NOA1: variants seen among roughly 807,000 people sequenced by gnomAD.
NOA1 encodes nitric oxide associated 1, also known as nitric oxide-associated protein 1.
A neutral mutation model predicts 58.4 loss-of-function variants in NOA1; 35 were observed. The observed-to-expected ratio is 0.60, with a 90% CI of 0.46 to 0.79. NOA1 has a LOEUF of 0.79. NOA1 is among the 30% of genes least tolerant of loss of function. NOA1 has a pLI of 0.00. For missense variants in NOA1, 895 were observed against 894.6 expected (o/e 1.00, Z -0.01); for synonymous variants, 397 against 373.4 (o/e 1.06, Z -0.73).
At chr4:56,970,502 T>G (rs537195663) in intron 3 of NOA1, among the ~76,000 whole-genome samples, 88 of 151,590 alleles carry the variant, frequency 5.8e-4, no homozygotes, top group African/African-American at 2.1e-3. Flanking sequence ...TTGCCCAGGC[T>G]GGGCTGCAGT....
intron 6 of NOA1, 49 bp downstream of exon 6, chr4:56,964,357 G>A (rs758241179): frequency 1.2e-5 from 20 of 1,610,924 alleles, no homozygotes; most frequent in Admixed American, 1.0e-4. Flanking sequence ...GTGAGCCACC[G>A]TGCCTGCCCT....
chr4:56,967,026 T>A (rs1457108132), intron 4 of NOA1, among the ~76,000 whole-genome samples: 1 of 152,042 alleles, frequency 6.6e-6, no homozygotes, highest in East Asian at 1.9e-4. Flanking sequence ...ACTATCTGCT[T>A]TAATTGTCTC....
At position 56,963,549 on chromosome 4, in the gene NOA1, G is replaced by A. The variant is rs199607677; in HGVS notation, c.1998C>T (p.Ile666=). ...CACTTTTCTTGATGCGCTGTCCTTT[G>A]ATGTTAACAATATATGGCAAGAGAG... The part of the protein sequence containing the change: ...RPPLLPYIVN[I]KGQRIKKSVA... Residue 666 remains isoleucine (I), a synonymous_variant, in exon 7 of 7, where the codon ATC becomes ATT. Coordinates refer to ENST00000264230, the MANE Select transcript of NOA1 (RefSeq NM_032313.4). 3 of 1,614,008 alleles carry A rather than the reference G, an allele frequency of 1.9e-6. No homozygotes were observed. The highest frequency in any genetic ancestry group is 1.3e-5 in the African/African-American group (1 of 74,982).
chr4:56,973,204 C>G lies in NOA1; in HGVS notation c.1459G>C (p.Asp487His). ...TAAAACCAGTGGGCATCTTTCACAT[C>G]TTGTGCAGTCAATTCTACTTGTTTG... The part of the protein sequence containing the change: ...STKQVELTAQ[D>H]VKDAHWFYDT... Residue 487 changes from aspartate (D) to histidine (H), a missense_variant, in exon 3 of 7, where the codon GAT becomes CAT. Asp to His is a moderately conservative substitution (Grantham distance 81, BLOSUM62 -1). Transcript: ENST00000264230. The G allele has an allele frequency of 6.2e-7, 1 of 1,614,126 alleles. No individual in the cohort carries two copies. The highest frequency in any genetic ancestry group is 8.5e-7 in the Non-Finnish European group (1 of 1,180,016).
At chr4:56,963,709 A>T (rs1721649738) in intron 6 of NOA1, 48 bp from the exon 7 acceptor site, 4 of 1,451,724 alleles carry the variant, frequency 2.8e-6, no homozygotes, top group Admixed American at 1.8e-5. Context: ...CAATCATCTT[A>T]TTAAAAATAC....
chr4:56,972,087 C>T (rs771477327), intron 3 of NOA1, among the ~76,000 whole-genome samples: 2 of 152,238 alleles, frequency 1.3e-5, no homozygotes, highest in East Asian at 3.9e-4. Context: ...AGGGTTTCAC[C>T]GTGTTAGCCC....
Position 56,976,911 on chromosome 4 carries a change from G to A in NOA1, c.675C>T (p.Asp225=). ...SLVLYMVDLL[D]LPDALLPDLP... The stretch of plus-strand genomic sequence containing the variant: ...AGTCGGGCAGCAGGGCGTCGGGCAG[G>A]TCCAGCAGGTCCACCATGTAGAGCA... Residue 225 remains aspartate, a synonymous_variant, in exon 1 of 7, where the codon GAC becomes GAT. Transcript: ENST00000264230. 6.2e-7 allele frequency: 1 copy of A among 1,611,708 alleles called. No individual in the cohort carries two copies. The highest frequency in any genetic ancestry group is 8.5e-7 in the Non-Finnish European group (1 of 1,179,790).
At chr4:56,964,976 G>A (rs1463204735) in intron 5 of NOA1, among the ~76,000 whole-genome samples, 1 of 151,372 alleles carries the variant, frequency 6.6e-6, no homozygotes, top group Non-Finnish European at 1.5e-5. Context: ...GTTTACAGGT[G>A]TTTCCACGAT....
intron 1 of NOA1, 107 bp downstream of exon 1, chr4:56,976,335 A>G (rs1721919899): frequency 1.1e-6 from 1 of 927,546 alleles, no homozygotes; most frequent in African/African-American, 1.7e-5. Context: ...AGGGAAGGGT[A>G]CAGGCAGCCC....
In NOA1 at chr4:56,977,351, G is replaced by C; in HGVS notation, c.235C>G (p.Leu79Val). ...CGGGTGGGTTGCGGCTCCGGATCCA[G>C]GATGTACTCCGGGAACAGAAAACGC... is the stretch of plus-strand genomic sequence containing the variant. ...QERFLFPEYI[L>V]DPEPQPTREK... is the part of the protein sequence containing the mutation. Residue 79 changes from leucine (L) to valine (V), a missense_variant, in exon 1 of 7, where the codon CTG becomes GTG. Transcript: ENST00000264230. 1 of 1,614,234 alleles carries C rather than the reference G, an allele frequency of 6.2e-7. No individual in the cohort carries two copies. Among genetic ancestry groups the C allele is most frequent in the Non-Finnish European group, 8.5e-7 (1 of 1,180,044 alleles).
In NOA1 at chr4:56,966,721, A is replaced by G; in HGVS notation, c.1663T>C (p.Trp555Arg). 1.2e-6 allele frequency: 2 copies of G among 1,611,548 alleles called. No homozygotes were observed. The highest frequency in any genetic ancestry group is 1.7e-6 in the Non-Finnish European group (2 of 1,177,830). Residue 555 changes from tryptophan to arginine, a missense_variant, in exon 5 of 7, where the codon TGG (tryptophan) becomes CGG (arginine). By Grantham distance (101) the Trp-to-Arg change is moderately radical. This residue lies in a region of NOA1 where 212 missense variants were observed against 221.3 expected (regional missense o/e 0.96). Coordinates refer to ENST00000264230, the MANE Select transcript of NOA1 (RefSeq NM_032313.4). ...IDFLQGNQSA[W>R]FTVVASNILP... ...ATGTTGGAAGCCACGACTGTAAACC[A>G]AGCTGACTGATTTCCCTTAAGAAAG...
Position 56,977,130 on chromosome 4 carries a change from G to A in NOA1, c.456C>T (p.Asp152=), listed in dbSNP as rs751811430. 1.9e-6 allele frequency: 3 copies of A among 1,553,304 alleles called. No homozygotes were observed. The highest frequency in any genetic ancestry group is 2.6e-6 in the Non-Finnish European group (3 of 1,152,574). The stretch of plus-strand genomic sequence containing the variant: ...GGGGCAGGTAGCCGGGCACTCCGGC[G>A]TCCTGGCAGTGCAGCTCTGCCCCAC... The part of the protein sequence containing the change: ...SGCGAELHCQ[D]AGVPGYLPRE... The change falls in exon 1 of 7, where the codon GAC becomes GAT. Residue 152 remains aspartate, a synonymous_variant. Coordinates refer to ENST00000264230, the MANE Select transcript of NOA1 (RefSeq NM_032313.4).
intron 1 of NOA1, among the ~76,000 whole-genome samples, chr4:56,975,225 G>C (rs1721882148): frequency 6.6e-6 from 1 of 150,412 alleles, no homozygotes; most frequent in African/African-American, 2.4e-5. Flanking sequence ...GTTTCACCAT[G>C]TTGCCCAGGC....
chr4:56,965,156 T>A (rs992783755), intron 5 of NOA1, among the ~76,000 whole-genome samples: 3 of 151,982 alleles, frequency 2.0e-5, no homozygotes, highest in African/African-American at 7.3e-5. Flanking sequence ...CGCACCACCA[T>A]ACCAGGCCAA....
At chr4:56,974,077 TG>T in intron 1 of NOA1, 55 bp from the exon 2 acceptor site, 1 of 1,088,766 alleles carries the variant, frequency 9.2e-7, no homozygotes, top group South Asian at 2.2e-5. Flanking sequence ...GGGAAGAAAA[TG>T]AACATTTTTG....
At chr4:56,964,582 C>G in intron 5 of NOA1, 56 bp from the exon 6 acceptor site, 1 of 1,555,372 alleles carries the variant, frequency 6.4e-7, no homozygotes, top group Non-Finnish European at 8.8e-7. Context: ...GGAACTCTAA[C>G]ATTAAGCAAA....
intron 5 of NOA1, among the ~76,000 whole-genome samples, chr4:56,965,781 T>C (rs371863869): frequency 5.3e-5 from 8 of 151,442 alleles, no homozygotes; most frequent in East Asian, 1.9e-4. Context: ...AATGTCACTA[T>C]TGGGCACTCA....
At chr4:56,973,010 G>A (rs1436904332) in intron 3 of NOA1, 138 bp downstream of exon 3, 3 of 708,848 alleles carry the variant, frequency 4.2e-6, no homozygotes, top group Non-Finnish European at 7.2e-6. Context: ...CCATTTAGCT[G>A]GCTCTACATG....
Position 56,977,166 on chromosome 4 carries a change from G to A in NOA1, c.420C>T (p.Asn140=). ...GCAGCTCTGCCCCACAGCCCGAGCA[G>A]TTCACGCCGCTGGGCGGCAATGCCG... is the stretch of plus-strand genomic sequence containing the variant. ...PDPALPPSGV[N]CSGCGAELHC... Residue 140 remains asparagine, a synonymous_variant, in exon 1 of 7, where the codon AAC becomes AAT. Transcript: ENST00000264230. 1.3e-6 allele frequency: 2 copies of A among 1,559,260 alleles called. No homozygotes were observed. The highest frequency in any genetic ancestry group is 1.7e-6 in the Non-Finnish European group (2 of 1,156,406).
Sources: gnomAD v4.1 joint callset for allele counts (sites outside exome capture counted in the v4.1 genomes callset) on GRCh38, gnomAD v4.1.1 for gene constraint, gnomAD v4.1.1 regional missense constraint, MANE v1.5 for transcripts, NCBI Gene and HGNC (gene_info 2026-07-23, HGNC 2026-07-21) for gene names.